The following GALK2 variants were observed in gnomAD, a reference collection of about 807,000 sequenced individuals.
GALK2 encodes the protein N-acetylgalactosamine kinase.
GALK2 carries 36 observed loss-of-function variants against 52.4 expected under a neutral mutation model. The observed-to-expected ratio is 0.69, with a 90% CI of 0.53 to 0.91. The LOEUF (loss-of-function observed/expected upper bound fraction) is 0.91. GALK2 is among the 40% of genes least tolerant of loss of function. The probability of loss-of-function intolerance (pLI) is 0.00; values close to 1 mark genes in which losing one functional copy is unlikely to be tolerated. For missense variants in GALK2, 579 were observed against 559.1 expected, an observed-to-expected ratio of 1.04 and a Z score of -0.36; for synonymous variants, 176 against 199.1, an observed-to-expected ratio of 0.88 and a Z score of 0.98.
chr15:49,192,461 C>T (rs1160923152), intron 1 of GALK2, among the ~76,000 whole-genome samples: 1 of 122,498 alleles, frequency 8.2e-6, no homozygotes, highest in Non-Finnish European at 1.7e-5. Context: ...ATAAACTATT[C>T]TGCAATGAAT....
chr15:49,195,789 G>A (rs182962999), intron 1 of GALK2, among the ~76,000 whole-genome samples: 1 of 151,544 alleles, frequency 6.6e-6, no homozygotes, highest in East Asian at 1.9e-4. Context: ...ATTTCTACAT[G>A]TGGTTTGGCT....
chr15:49,210,428 T>G (rs1159673958), intron 2 of GALK2, among the ~76,000 whole-genome samples: 1 of 151,498 alleles, frequency 6.6e-6, no homozygotes, highest in Non-Finnish European at 1.5e-5. Context: ...TTATTTTATT[T>G]TATTTTATTT....
intron 5 of GALK2, among the ~76,000 whole-genome samples, chr15:49,261,131 G>T (rs991431386): frequency 6.7e-6 from 1 of 149,596 alleles, no homozygotes; most frequent in Non-Finnish European, 1.5e-5. Flanking sequence ...GATGGGGATG[G>T]CATTGAATCT....
intron 2 of GALK2, among the ~76,000 whole-genome samples, chr15:49,204,828 G>A (rs1441880871): frequency 1.3e-5 from 2 of 152,048 alleles, no homozygotes; most frequent in Non-Finnish European, 2.9e-5. Context: ...CACTGTATTT[G>A]TAGTCTTCTA....
chr15:49,181,065 CTTTCCT>C (rs2085931256), intron 1 of GALK2, among the ~76,000 whole-genome samples: 3 of 137,190 alleles, frequency 2.2e-5, no homozygotes, highest in Admixed American at 7.6e-5. Context: ...CCCTCCCTCC[CTTTCCT>C]TCCTTTTCTT....
rs991032468 is a variant in GALK2 at position 49,237,746 on chromosome 15, A to T, written c.358-1475A>T. ...CGCCTCGGCCTCCCAAAGTGCTGGG[A>T]TTGCAGGTGTGAGCCACTGCGCCCG... On this transcript the variant is annotated intron_variant, in intron 4 of 9. Coordinates refer to ENST00000560031, the MANE Select transcript of GALK2 (RefSeq NM_002044.4). Among the ~76,000 whole-genome samples the T allele has an allele frequency of 1.3e-5, 2 of 152,064 alleles. 1 individual carries two copies. The highest frequency in any genetic ancestry group is 2.9e-5 in the Non-Finnish European group (2 of 68,022).
intron 5 of GALK2, among the ~76,000 whole-genome samples, chr15:49,280,763 T>C (rs11854557): frequency 0.25 from 38,155 of 152,096 alleles, 5,964 homozygotes; most frequent in Non-Finnish European, 0.35. Context: ...TTAAATGTTT[T>C]AGGAGTTTAG....
chr15:49,203,916 A>G (rs1226879018), intron 2 of GALK2, among the ~76,000 whole-genome samples: 1 of 152,120 alleles, frequency 6.6e-6, no homozygotes, highest in Non-Finnish European at 1.5e-5. Context: ...GGAGTTTGAA[A>G]GCAGCCTGGC....
chr15:49,266,362 C>T (rs944288347), intron 5 of GALK2, among the ~76,000 whole-genome samples: 4 of 152,130 alleles, frequency 2.6e-5, no homozygotes, highest in African/African-American at 9.7e-5. Context: ...TGCAAAGTCA[C>T]ATTGCAAGGG....
chr15:49,311,142 A>G (rs1465742301), intron 8 of GALK2, among the ~76,000 whole-genome samples: 1 of 152,186 alleles, frequency 6.6e-6, no homozygotes, highest in African/African-American at 2.4e-5. Context: ...ATTTATTGAC[A>G]AGCGTATCCT....
At chr15:49,288,654 C>G (rs2033631848) in intron 7 of GALK2, among the ~76,000 whole-genome samples, 1 of 152,116 alleles carries the variant, frequency 6.6e-6, no homozygotes, top group Non-Finnish European at 1.5e-5. Context: ...AGTATTCAGG[C>G]AATGGTGAGT....
At chr15:49,356,455 T>C (rs1400864987) in intron 3 of GALK2, among the ~76,000 whole-genome samples, 1 of 150,436 alleles carries the variant, frequency 6.6e-6, no homozygotes, top group Non-Finnish European at 1.5e-5. Context: ...TACAACAGAC[T>C]TTAAACCAAC....
chr15:49,251,047 A>C (rs1186006511), intron 5 of GALK2, among the ~76,000 whole-genome samples: 2 of 152,204 alleles, frequency 1.3e-5, no homozygotes, highest in Non-Finnish European at 2.9e-5. Flanking sequence ...AACACTTCCC[A>C]ACTTGTATTA....
intron 5 of GALK2, among the ~76,000 whole-genome samples, chr15:49,261,577 T>G (rs2092111933): frequency 6.6e-6 from 1 of 152,040 alleles, no homozygotes; most frequent in Admixed American, 6.5e-5. Context: ...CCTGCCTAAT[T>G]GCCCTGGCCA....
chr15:49,262,173 A>G (rs1212477579), intron 5 of GALK2, among the ~76,000 whole-genome samples: 3 of 152,070 alleles, frequency 2.0e-5, no homozygotes, highest in African/African-American at 7.2e-5. Context: ...CTCTGGTAGA[A>G]TTCGGCTGTG....
chr15:49,163,501 C>T (rs964078802), intron 1 of GALK2, among the ~76,000 whole-genome samples: 2 of 152,004 alleles, frequency 1.3e-5, no homozygotes, highest in Non-Finnish European at 2.9e-5. Context: ...ATTTAATTTT[C>T]GTGTATAGTG....
Position 49,315,646 on chromosome 15 carries a change from T to C in GALK2, c.968-3958T>C, listed in dbSNP as rs150461988. On this transcript the variant is annotated intron_variant, in intron 8 of 9. Transcript: ENST00000560031. ...TTGAAAACAGATGCCCTTTCTGCCC[T>C]TTCCCTTGTTGTCTGAGTTACTACC... is the stretch of plus-strand genomic sequence containing the variant. 2.9e-3 allele frequency among the ~76,000 whole-genome samples: 444 copies of C among 152,354 alleles called. 2 individuals are homozygous for C. The highest frequency in any genetic ancestry group is 0.01 in the African/African-American group (421 of 41,584).
intron 8 of GALK2, 70 bp downstream of exon 8, chr15:49,292,607 A>T (rs527727268): frequency 2.3e-6 from 3 of 1,280,570 alleles, no homozygotes; most frequent in African/African-American, 2.9e-5. Context: ...CAATTTCTCC[A>T]CTGGTTTTAG....
chr15:49,226,239 C>A (rs1166858607), intron 3 of GALK2, among the ~76,000 whole-genome samples: 1 of 152,156 alleles, frequency 6.6e-6, no homozygotes. Context: ...CATAGGATCT[C>A]TTGTACCTAG....
Sources: gnomAD v4.1 joint callset for allele counts (sites outside exome capture counted in the v4.1 genomes callset) on GRCh38, gnomAD v4.1.1 for gene constraint, MANE v1.5 for transcripts, NCBI Gene and HGNC (gene_info 2026-07-23, HGNC 2026-07-21) for gene names.